Variants in DNER observed in about 807,000 individuals in gnomAD.
DNER encodes delta/notch like EGF repeat containing.
In DNER, 33 loss-of-function variants were observed where a neutral mutation model predicts 78.2. The ratio of observed to expected loss-of-function variants is 0.42; its 90% CI spans 0.32 to 0.56. DNER has a LOEUF of 0.56. DNER is among the 20% of genes least tolerant of loss of function. The pLI is 0.11. For synonymous variants in DNER, 417 were observed against 384.8 expected, an observed-to-expected ratio of 1.08 and a Z score of -0.98; for missense variants, 918 against 975.3, an observed-to-expected ratio of 0.94 and a Z score of 0.78.
At chr2:229,653,779 T>A (rs1455871915) in intron 1 of DNER, among the ~76,000 whole-genome samples, 3 of 152,212 alleles carry the variant, frequency 2.0e-5, no homozygotes, top group Non-Finnish European at 4.4e-5. Context: ...CACATTCATG[T>A]AACACATGTG....
intron 1 of DNER, among the ~76,000 whole-genome samples, chr2:229,634,363 T>A (rs557719674): frequency 6.6e-6 from 1 of 152,122 alleles, no homozygotes; most frequent in Non-Finnish European, 1.5e-5. Flanking sequence ...GTGGGTGAAA[T>A]ATCCCAATAA....
intron 6 of DNER, among the ~76,000 whole-genome samples, chr2:229,486,936 G>T (rs902880039): frequency 1.3e-5 from 2 of 152,180 alleles, no homozygotes. Flanking sequence ...AAGTCCTACA[G>T]GTGATACTAA....
intron 1 of DNER, among the ~76,000 whole-genome samples, chr2:229,595,730 C>T (rs944119805): frequency 3.3e-5 from 5 of 152,202 alleles, no homozygotes; most frequent in Non-Finnish European, 7.3e-5. Flanking sequence ...TCTCCTGCCC[C>T]AGGGCCTTTG....
chr2:229,413,321 C>CTTTTTTTTTTT lies in DNER; in HGVS notation c.1609+4776_1609+4786dup. ...TGCTTTTCTTTTTCTTTTTCTTCTT[C>CTTTTTTTTTTT]TTTTTTTTTTTTTTTTTTTTTGACG... On this transcript the variant is annotated intron_variant, in intron 9 of 12. Coordinates refer to ENST00000341772, the MANE Select transcript of DNER (RefSeq NM_139072.4). 9.2e-3 allele frequency among the ~76,000 whole-genome samples: 627 copies of CTTTTTTTTTTT among 67,808 alleles called. 35 individuals carry two copies. Among genetic ancestry groups the CTTTTTTTTTTT allele is most frequent in the Middle Eastern group, 0.032 (2 of 62 alleles). The allele number at this position is 67,808 out of a possible 152,430, so 44.5% of individuals were successfully genotyped here. A position where few individuals can be genotyped will look rare whatever the true frequency, so the allele number is the denominator to read the frequency against.
At chr2:229,589,722 C>A (rs1164930335) in intron 2 of DNER, among the ~76,000 whole-genome samples, 3 of 152,242 alleles carry the variant, frequency 2.0e-5, no homozygotes, top group Non-Finnish European at 4.4e-5. Flanking sequence ...AAGGACACTT[C>A]TTTGATAAAC....
intron 4 of DNER, among the ~76,000 whole-genome samples, chr2:229,560,961 G>T (rs1473122901): frequency 6.6e-6 from 1 of 152,146 alleles, no homozygotes; most frequent in East Asian, 1.9e-4. Flanking sequence ...AATGTCACTT[G>T]CCTGGTCACA....
intron 3 of DNER, among the ~76,000 whole-genome samples, chr2:229,586,440 C>CCACA (rs1399171741): frequency 8.2e-6 from 1 of 122,420 alleles, no homozygotes; most frequent in South Asian, 3.1e-4. Context: ...ACCCACCCAC[C>CCACA]CACACACACA....
At chr2:229,387,501 A>AAGAAAGAAAGAG (rs1553602528) in intron 11 of DNER, among the ~76,000 whole-genome samples, 1 of 97,302 alleles carries the variant, frequency 1.0e-5, no homozygotes, top group African/African-American at 3.5e-5. Flanking sequence ...GAAAGAAAGA[A>AAGAAAGAAAGAG]AGAAAGAGAG....
chr2:229,388,591 A>G (rs1692949808), intron 10 of DNER, among the ~76,000 whole-genome samples, 195 bp from the exon 11 acceptor site: 1 of 92,878 alleles, frequency 1.1e-5, no homozygotes, highest in Admixed American at 1.3e-4. Flanking sequence ...ACTAAAAAGG[A>G]AATATATATA....
At chr2:229,621,138 G>A (rs554273213) in intron 1 of DNER, among the ~76,000 whole-genome samples, 32 of 151,156 alleles carry the variant, frequency 2.1e-4, no homozygotes, top group Non-Finnish European at 4.4e-4. Context: ...TCTTACTAAG[G>A]GTTTTAACAC....
chr2:229,498,258 G>C (rs982387929), intron 6 of DNER, among the ~76,000 whole-genome samples: 1 of 152,070 alleles, frequency 6.6e-6, no homozygotes, highest in Non-Finnish European at 1.5e-5. Context: ...TAACAAACTA[G>C]GTATAGAAGG....
intron 1 of DNER, among the ~76,000 whole-genome samples, chr2:229,713,935 C>A (rs1340825054): frequency 6.6e-6 from 1 of 152,194 alleles, no homozygotes; most frequent in African/African-American, 2.4e-5. Context: ...GAGAGCCCGG[C>A]TGGCCCCGCC....
chr2:229,374,016 A>C (rs1192272518), intron 11 of DNER, among the ~76,000 whole-genome samples: 1 of 152,148 alleles, frequency 6.6e-6, no homozygotes, highest in Non-Finnish European at 1.5e-5. Context: ...AAATACAAAA[A>C]AAGTAGCCAG....
rs547834970 is a variant in DNER at position 229,713,277 on chromosome 2, G to T, written c.276+871C>A. On this transcript the variant is annotated intron_variant, in intron 1 of 12. Coordinates refer to ENST00000341772, the MANE Select transcript of DNER (RefSeq NM_139072.4). ...AATGTTGATGTTAATAGGTTTCACA[G>T]AGCTTTAACGGACTTGTAAAAGCCC... Among the ~76,000 whole-genome samples, 3 of 152,330 alleles carry T rather than the reference G, an allele frequency of 2.0e-5. No individual in the cohort carries two copies. The South Asian group carries it at 6.2e-4, about 32-fold the overall frequency.
rs1216979757 is a variant in DNER, at chr2:229,586,040, A to T, written c.681-16T>A. 6.3e-7 allele frequency: 1 copy of T among 1,590,836 alleles called. No homozygotes were observed. Among genetic ancestry groups the T allele is most frequent in the Non-Finnish European group, 8.5e-7 (1 of 1,169,820 alleles). ...TTGCCGAATCCTGGAAACAGGAATG[A>T]TGTAAACAGAAAGCTCCTTTCAGAA... On this transcript the variant is annotated splice_polypyrimidine_tract_variant and intron_variant, in intron 3 of 12. Coordinates refer to ENST00000341772, the MANE Select transcript of DNER (RefSeq NM_139072.4).
intron 1 of DNER, among the ~76,000 whole-genome samples, chr2:229,600,180 C>T (rs1697801275): frequency 6.6e-6 from 1 of 152,058 alleles, no homozygotes; most frequent in Non-Finnish European, 1.5e-5. Flanking sequence ...AAATCACAAC[C>T]ACAGGCCAAA....
chr2:229,614,349 A>T (rs1414299833), intron 1 of DNER, among the ~76,000 whole-genome samples: 2 of 152,198 alleles, frequency 1.3e-5, no homozygotes, highest in Non-Finnish European at 2.9e-5. Context: ...ACATCTGAAG[A>T]TAAGCATCTA....
At chr2:229,679,984 A>G (rs903103714) in intron 1 of DNER, among the ~76,000 whole-genome samples, 1 of 152,210 alleles carries the variant, frequency 6.6e-6, no homozygotes, top group African/African-American at 2.4e-5. Flanking sequence ...AACCTGACTC[A>G]TTTGAAAAAG....
intron 7 of DNER, among the ~76,000 whole-genome samples, chr2:229,463,692 A>G (rs989682395): frequency 1.1e-4 from 17 of 152,254 alleles, no homozygotes; most frequent in Non-Finnish European, 2.4e-4. Context: ...CTCGTGCTTT[A>G]GCCTCCCAGA....
Sources: gnomAD v4.1 joint callset for allele counts (sites outside exome capture counted in the v4.1 genomes callset) on GRCh38, gnomAD v4.1.1 for gene constraint, MANE v1.5 for transcripts, NCBI Gene and HGNC (gene_info 2026-07-23, HGNC 2026-07-21) for gene names.